MGAT5: variants seen among roughly 807,000 people sequenced by gnomAD.
MGAT5 encodes the protein alpha-1,6-mannosylglycoprotein 6-beta-N-acetylglucosaminyltransferase.
Under a neutral mutation model 94.3 loss-of-function variants are expected in MGAT5, and 30 were observed. That is an observed-to-expected ratio of 0.32 (90% confidence interval 0.24 to 0.43). The LOEUF is 0.43. Among genes scored for constraint, MGAT5 ranks in the 20% least tolerant of loss-of-function variants. MGAT5 has a pLI of 1.00. For missense variants in MGAT5, 691 were observed against 905.5 expected, an observed-to-expected ratio of 0.76 and a Z score of 3.04; for synonymous variants, 310 against 322.9, an observed-to-expected ratio of 0.96 and a Z score of 0.43.
intron 2 of MGAT5, among the ~76,000 whole-genome samples, chr2:134,288,216 C>T (rs1685130340): frequency 6.6e-6 from 1 of 152,198 alleles, no homozygotes; most frequent in African/African-American, 2.4e-5. Flanking sequence ...ACATGATAGA[C>T]ATTGCCTATC....
chr2:134,230,009 A>T (rs1008740312), intron 1 of MGAT5, among the ~76,000 whole-genome samples: 2 of 152,354 alleles, frequency 1.3e-5, no homozygotes, highest in Admixed American at 6.5e-5. Context: ...GTCATCAAAA[A>T]GACAGATGGG....
chr2:134,228,116 A>G (rs1681160167), intron 1 of MGAT5, among the ~76,000 whole-genome samples: 1 of 152,192 alleles, frequency 6.6e-6, no homozygotes, highest in South Asian at 2.1e-4. Context: ...ATTTTAAGGC[A>G]TAGTTTCAGA....
chr2:134,432,556 A>G (rs1314479976), intron 14 of MGAT5, among the ~76,000 whole-genome samples: 2 of 152,198 alleles, frequency 1.3e-5, no homozygotes, highest in African/African-American at 4.8e-5. Context: ...GAAGGTTGGT[A>G]CTAGCTTGAG....
chr2:134,180,410 A>G (rs1558973112), intron 1 of MGAT5, among the ~76,000 whole-genome samples: 1 of 152,236 alleles, frequency 6.6e-6, no homozygotes, highest in Non-Finnish European at 1.5e-5. Context: ...GGTAAAGTCA[A>G]CAGGTACCAC....
rs546703657 is a variant in MGAT5, at chr2:134,323,397, G to A, written c.573+4658G>A. On this transcript the variant is annotated intron_variant, in intron 4 of 15. Transcript: ENST00000281923. The stretch of plus-strand genomic sequence containing the variant: ...ACTCCATTTTATTTAAGTGACTTCA[G>A]CATCTGAGGATTTTAATATCCACAG... Among the ~76,000 whole-genome samples the A allele has an allele frequency of 3.9e-4, 59 of 152,186 alleles. 1 individual carries two copies. Among genetic ancestry groups the A allele is most frequent in the Non-Finnish European group, 5.7e-4 (39 of 67,984 alleles).
At chr2:134,220,783 C>T (rs773632118) in intron 1 of MGAT5, among the ~76,000 whole-genome samples, 1 of 152,142 alleles carries the variant, frequency 6.6e-6, no homozygotes, top group Non-Finnish European at 1.5e-5. Flanking sequence ...TTTTTATCTT[C>T]ACGTATGTTA....
intron 10 of MGAT5, among the ~76,000 whole-genome samples, chr2:134,397,638 T>C (rs900010951): frequency 6.6e-6 from 1 of 152,184 alleles, no homozygotes; most frequent in Admixed American, 6.5e-5. Flanking sequence ...CCCCATCCCA[T>C]GGTAAGCTTA....
At chr2:134,122,553 TGGA>T (rs1685662490) in intron 1 of MGAT5, among the ~76,000 whole-genome samples, 1 of 152,128 alleles carries the variant, frequency 6.6e-6, no homozygotes, top group Admixed American at 6.5e-5. Context: ...AGCAAGGTGA[TGGA>T]GGAGGGGCAA....
At chr2:134,176,955 G>T (rs1688494849) in intron 1 of MGAT5, among the ~76,000 whole-genome samples, 1 of 152,184 alleles carries the variant, frequency 6.6e-6, no homozygotes, top group African/African-American at 2.4e-5. Context: ...CTCCCGACAG[G>T]ACATGTGGGA....
At chr2:134,145,226 G>A (rs1257619784) in intron 1 of MGAT5, among the ~76,000 whole-genome samples, 3 of 151,900 alleles carry the variant, frequency 2.0e-5, no homozygotes, top group Non-Finnish European at 2.9e-5. Flanking sequence ...GTGTGTGTGT[G>A]TGTGTGTGTG....
At chr2:134,170,123 G>A (rs1051745977) in intron 1 of MGAT5, among the ~76,000 whole-genome samples, 2 of 152,154 alleles carry the variant, frequency 1.3e-5, no homozygotes, top group Admixed American at 6.5e-5. Context: ...ATTTAGGCCC[G>A]AGGCATGTGG....
intron 1 of MGAT5, among the ~76,000 whole-genome samples, chr2:134,186,673 G>A (rs192626069): frequency 6.6e-6 from 1 of 152,288 alleles, no homozygotes; most frequent in Admixed American, 6.5e-5. Context: ...CTGCCAGCTG[G>A]TGTGGATAGC....
intron 1 of MGAT5, among the ~76,000 whole-genome samples, chr2:134,220,083 G>T (rs978063552): frequency 1.3e-5 from 2 of 152,214 alleles, no homozygotes; most frequent in Non-Finnish European, 2.9e-5. Context: ...CATGACATAC[G>T]TACCCCTGTT....
Position 134,428,269 on chromosome 2 carries a change from G to T in MGAT5, c.1795-96G>T, listed in dbSNP as rs1684696116. On this transcript the variant is annotated intron_variant, in intron 13 of 15. Coordinates refer to ENST00000281923, the MANE Select transcript of MGAT5 (RefSeq NM_002410.5). ...TCAACCCTCATGAGGCCGACTCCTG[G>T]TGTTAGCACCCGTGTATTGAGTGAG... The T allele has an allele frequency of 1.4e-5, 16 of 1,130,852 alleles. No individual in the cohort carries two copies. In the South Asian group the frequency reaches 2.1e-4, roughly 15 times the overall value. The allele number at this position is 1,130,852 out of a possible 1,614,324, so 70.1% of individuals were successfully genotyped here.
Position 134,240,357 on chromosome 2 carries a change from G to GTTT in MGAT5, c.-142-13892_-142-13890dup, listed in dbSNP as rs11316083. Among the ~76,000 whole-genome samples the GTTT allele has an allele frequency of 1.8e-3, 258 of 146,824 alleles. 2 individuals carry two copies. The highest frequency in any genetic ancestry group is 6.8e-3 in the Middle Eastern group (2 of 292). ...TGAGCTTTCATTCTAAAATGAAAGT[G>GTTT]TTTTTTTTTTTTTTTACTATTTGTA... On this transcript the variant is annotated intron_variant, in intron 1 of 16. Transcript: ENST00000409645.
intron 1 of MGAT5, among the ~76,000 whole-genome samples, chr2:134,129,746 T>A (rs796142230): frequency 2.0e-5 from 3 of 152,072 alleles, no homozygotes; most frequent in African/African-American, 7.2e-5. Context: ...TGTTCTGGCT[T>A]ATGTAATTGT....
chr2:134,291,957 A>G (rs1436816193), intron 2 of MGAT5, among the ~76,000 whole-genome samples: 3 of 152,172 alleles, frequency 2.0e-5, no homozygotes, highest in Non-Finnish European at 2.9e-5. Context: ...CTGTTTCTCT[A>G]GAAGGTGTCC....
At chr2:134,133,857 G>A (rs1439618054) in intron 1 of MGAT5, among the ~76,000 whole-genome samples, 2 of 152,132 alleles carry the variant, frequency 1.3e-5, no homozygotes, top group South Asian at 4.1e-4. Context: ...ATGCTGATCC[G>A]TTCCTCTGTG....
intron 1 of MGAT5, among the ~76,000 whole-genome samples, chr2:134,216,470 T>G (rs1680503880): frequency 6.6e-6 from 1 of 152,240 alleles, no homozygotes; most frequent in African/African-American, 2.4e-5. Flanking sequence ...CCATTGTGTT[T>G]CTTCCTTACC....
Sources: allele counts gnomAD v4.1 joint callset (sites outside exome capture counted in the v4.1 genomes callset), GRCh38; gene constraint gnomAD v4.1.1; transcripts MANE v1.5; gene names NCBI Gene and HGNC (gene_info 2026-07-23, HGNC 2026-07-21).